The following CD207 variants were observed in gnomAD, a reference collection of about 807,000 sequenced individuals.
CD207 encodes the protein CD207 molecule, also known as C-type lectin domain family 4 member K.
A neutral mutation model predicts 31.6 loss-of-function variants in CD207; 28 were observed. The ratio of observed to expected loss-of-function variants is 0.89; its 90% CI spans 0.66 to 1.21. CD207 has a LOEUF of 1.21. CD207 is among the 50% of genes most tolerant of loss of function. CD207 has a pLI of 0.00. For synonymous variants in CD207, 168 were observed against 153.9 expected (o/e 1.09, Z -0.68); for missense variants, 388 against 397.8 (o/e 0.98, Z 0.21).
At chr2:70,832,003 T>C (rs1677487473) in intron 4 of CD207, among the ~76,000 whole-genome samples, 184 bp from the exon 5 acceptor site, 1 of 152,154 alleles carries the variant, frequency 6.6e-6, no homozygotes, top group Non-Finnish European at 1.5e-5. Flanking sequence ...TTATGATGTG[T>C]CCCTGCTCTG....
downstream of CD207, among the ~76,000 whole-genome samples, chr2:70,829,113 T>G (rs1445999947): frequency 6.6e-6 from 1 of 152,240 alleles, no homozygotes; most frequent in African/African-American, 2.4e-5. Flanking sequence ...TGCTATTTCC[T>G]GGTTCAAATT....
rs1239833085 is a variant in CD207 at position 70,830,991 on chromosome 2, C to T, written c.*59G>A. On this transcript the variant is annotated 3_prime_UTR_variant, in exon 6 of 6. Transcript: ENST00000410009. Reference sequence around the variant, plus strand: ...TCCTGGAGTCTGGGGAAGAAAGAGGCATTTCCTCATGTTTAACAAGCGTTG... The same window carrying T: ...TCCTGGAGTCTGGGGAAGAAAGAGGTATTTCCTCATGTTTAACAAGCGTTG... 5 of 1,491,866 alleles carry T rather than the reference C, an allele frequency of 3.4e-6. No homozygotes were observed. Among genetic ancestry groups the T allele is most frequent in the East Asian group, 2.3e-5 (1 of 43,744 alleles). The allele number at this position is 1,491,866 out of a possible 1,614,324, so 92.4% of individuals were successfully genotyped here.
downstream of CD207, among the ~76,000 whole-genome samples, chr2:70,825,633 G>A (rs553614899): frequency 6.6e-6 from 1 of 152,212 alleles, no homozygotes; most frequent in African/African-American, 2.4e-5. Flanking sequence ...TGACCTCCCA[G>A]GTTCAAGCAA....
At position 70,834,156 on chromosome 2, in the gene CD207, C is replaced by T. The variant is rs567505928; in HGVS notation, c.191-136G>A. On this transcript the variant is annotated intron_variant, in intron 2 of 5. Transcript: ENST00000410009. The stretch of plus-strand genomic sequence containing the variant: ...AACCAAGACAGTCCAATGGGCCACC[C>T]CAACCCTCCAATCATTCATTAACGT... 4 of 661,482 alleles carry T rather than the reference C, an allele frequency of 6.0e-6. No individual in the cohort carries two copies. In the Admixed American group the frequency reaches 1.4e-4, roughly 24 times the overall value. 41.0% of individuals were successfully genotyped at this position (661,482 alleles called of 1,614,324 possible). A position where few individuals can be genotyped will look rare whatever the true frequency, so the allele number is the denominator to read the frequency against.
intron 4 of CD207, 31 bp from the exon 5 acceptor site, chr2:70,831,850 G>A (rs1264667712): frequency 4.4e-6 from 6 of 1,367,320 alleles, no homozygotes; most frequent in Middle Eastern, 1.8e-4. Flanking sequence ...GCAGAGGTGC[G>A]GCCACACTTG....
rs1677438608 is a variant in CD207, at chr2:70,830,459, C to A, written c.*591G>T. 1 of 152,460 alleles carries A rather than the reference C, an allele frequency of 6.6e-6. No homozygotes were observed. The highest frequency in any genetic ancestry group is 6.5e-5 in the Admixed American group (1 of 15,286). 9.4% of individuals were successfully genotyped at this position (152,460 alleles called of 1,614,324 possible). On this transcript the variant is annotated 3_prime_UTR_variant, in exon 6 of 6. Coordinates refer to ENST00000410009, the MANE Select transcript of CD207 (RefSeq NM_015717.5). The stretch of plus-strand genomic sequence containing the variant: ...TGCCAGCCGAGCTCTGAAGGAGATA[C>A]AAGTCCGTGTCAGCCACTGACTTGA...
At chr2:70,834,102 G>C in intron 2 of CD207, 82 bp from the exon 3 acceptor site, 1 of 1,306,818 alleles carries the variant, frequency 7.7e-7, no homozygotes, top group East Asian at 2.5e-5. Context: ...ATCAAAGGAA[G>C]GGAAGGAATA....
chr2:70,825,041 C>T, the CD207 span, among the ~76,000 whole-genome samples: 1 of 152,186 alleles, frequency 6.6e-6, no homozygotes. Flanking sequence ...TCAAGGTCAA[C>T]GCCAACAGTA....
downstream of CD207, among the ~76,000 whole-genome samples, chr2:70,825,737 C>T (rs1677327653): frequency 6.6e-6 from 1 of 152,034 alleles, no homozygotes; most frequent in African/African-American, 2.4e-5. Flanking sequence ...GACAGGGTCT[C>T]CCTATGTTGC....
downstream of CD207, among the ~76,000 whole-genome samples, chr2:70,826,741 G>A (rs1553398958): frequency 6.6e-6 from 1 of 152,184 alleles, no homozygotes; most frequent in Non-Finnish European, 1.5e-5. Flanking sequence ...TCAAAATACA[G>A]GAAGATACCT....
intron 2 of CD207, among the ~76,000 whole-genome samples, chr2:70,834,351 A>G (rs1553400571): frequency 6.6e-6 from 1 of 152,072 alleles, no homozygotes; most frequent in Non-Finnish European, 1.5e-5. Context: ...CATTTGATAA[A>G]GGGTGCCCTC....
chr2:70,827,401 A>G (rs756849359), downstream of CD207, among the ~76,000 whole-genome samples: 33 of 151,482 alleles, frequency 2.2e-4, no homozygotes, highest in South Asian at 2.1e-4. Context: ...CTGGGATGGG[A>G]ACAGAGAGGC....
rs533675173 is a variant in CD207, at chr2:70,832,972, G to C, written c.645C>G (p.Thr215=). The C allele has an allele frequency of 2.5e-6, 4 of 1,613,830 alleles. No individual in the cohort carries two copies. In the African/African-American group the frequency reaches 4.0e-5, roughly 16 times the overall value. The change falls in exon 4 of 6, where the codon ACC becomes ACG. Residue 215 remains threonine, a synonymous_variant. Transcript: ENST00000410009. ...CACAGAACTGCTCGGCACTATACCA[G>C]GTCTTTGGAATGAGAGAAAAGTAAT... The part of the protein sequence containing the change: ...NFYYFSLIPK[T]WYSAEQFCVS...
At chr2:70,833,625 G>A (rs1553400249) in intron 3 of CD207, 21 bp downstream of exon 3, 5 of 1,586,886 alleles carry the variant, frequency 3.2e-6, no homozygotes, top group Non-Finnish European at 4.3e-6. Flanking sequence ...CAGCTTCAAT[G>A]TAATTTTCTG....
chr2:70,824,551 T>C, the CD207 span, among the ~76,000 whole-genome samples: 2 of 131,698 alleles, frequency 1.5e-5, no homozygotes, highest in African/African-American at 2.9e-5. Context: ...ACTCTAGAAC[T>C]GGGGCAGGAA....
At chr2:70,832,136 G>C (rs1348428515) in intron 4 of CD207, among the ~76,000 whole-genome samples, 1 of 152,218 alleles carries the variant, frequency 6.6e-6, no homozygotes, top group East Asian at 1.9e-4. Flanking sequence ...GATAATACCT[G>C]AATTAAATGA....
downstream of CD207, among the ~76,000 whole-genome samples, chr2:70,829,225 T>C (rs536625170): frequency 5.9e-5 from 9 of 152,298 alleles, no homozygotes; most frequent in African/African-American, 2.2e-4. Flanking sequence ...ATTTCCTCCA[T>C]TGGTGAGGGA....
chr2:70,831,271 A>G (rs996780053), intron 5 of CD207, 71 bp from the exon 6 acceptor site: 4 of 1,484,064 alleles, frequency 2.7e-6, no homozygotes, highest in Non-Finnish European at 3.7e-6. Flanking sequence ...CAGTGAAGAA[A>G]TGAGTTAACT....
At chr2:70,828,356 C>A (rs950292578), downstream of CD207, among the ~76,000 whole-genome samples, 18 of 152,172 alleles carry the variant, frequency 1.2e-4, no homozygotes, top group African/African-American at 4.3e-4. Flanking sequence ...GACAGGTGTC[C>A]CAGCTTCCTC....
Sources: gnomAD v4.1 joint callset for allele counts (sites outside exome capture counted in the v4.1 genomes callset) on GRCh38, gnomAD v4.1.1 for gene constraint, MANE v1.5 for transcripts, NCBI Gene and HGNC (gene_info 2026-07-23, HGNC 2026-07-21) for gene names.